The following R3HDM1 variants were observed in gnomAD, a reference collection of about 807,000 sequenced individuals.
R3HDM1 encodes R3H domain-containing protein 1.
In R3HDM1, 46 loss-of-function variants were observed where a neutral mutation model predicts 141.1. The ratio of observed to expected loss-of-function variants is 0.33; its 90% CI spans 0.26 to 0.42. The LOEUF (loss-of-function observed/expected upper bound fraction) is 0.42. R3HDM1 is among the 10% of genes least tolerant of loss of function. The probability of loss-of-function intolerance (pLI) is 1.00; values close to 1 mark genes in which losing one functional copy is unlikely to be tolerated. For missense variants in R3HDM1, 1,184 were observed against 1,368.3 expected (o/e 0.87, Z 2.12); for synonymous variants, 435 against 472.9 (o/e 0.92, Z 1.04).
chr2:135,722,261 C>G (rs975374595), intron 25 of R3HDM1, among the ~76,000 whole-genome samples: 3 of 152,154 alleles, frequency 2.0e-5, no homozygotes, highest in African/African-American at 7.2e-5. Context: ...GGCACTCTTG[C>G]TAATGAAGGA....
At chr2:135,609,656 T>G (rs2060359251) in intron 3 of R3HDM1, among the ~76,000 whole-genome samples, 2 of 152,318 alleles carry the variant, frequency 1.3e-5, no homozygotes, top group South Asian at 4.1e-4. Context: ...AATTGGATGG[T>G]GGGGAGTATT....
intron 23 of R3HDM1, 36 bp downstream of exon 23, chr2:135,710,267 T>C: frequency 6.4e-7 from 1 of 1,572,240 alleles, no homozygotes; most frequent in South Asian, 1.1e-5. Flanking sequence ...TTTGAAACGT[T>C]ACATTTTTGT....
chr2:135,638,586 G>C, intron 11 of R3HDM1, 32 bp from the exon 12 acceptor site: 1 of 1,577,330 alleles, frequency 6.3e-7, no homozygotes, highest in Non-Finnish European at 8.7e-7. Flanking sequence ...TTTGACAAAA[G>C]CTCAACTTTT....
chr2:135,643,489 TC>T, intron 15 of R3HDM1, among the ~76,000 whole-genome samples: 1 of 152,200 alleles, frequency 6.6e-6, no homozygotes, highest in East Asian at 1.9e-4. Flanking sequence ...AAACTGTTTT[TC>T]AGTCAAATTT....
rs199508167 is a variant in R3HDM1, at chr2:135,563,964, G to A, written c.-250+32331G>A. ...GGAAAGCAGGCACATCACATGGTGA[G>A]AGCAGGAGCAAGAGAGAGTGGGGAG... On this transcript the variant is annotated intron_variant, in intron 1 of 26. Coordinates refer to ENST00000683871, the MANE Select transcript of R3HDM1 (RefSeq NM_001378107.1). 1.0e-3 allele frequency among the ~76,000 whole-genome samples: 153 copies of A among 152,266 alleles called. 1 individual carries two copies. Among genetic ancestry groups the A allele is most frequent in the Admixed American group, 5.5e-3 (84 of 15,288 alleles).
intron 24 of R3HDM1, among the ~76,000 whole-genome samples, chr2:135,718,506 A>G (rs986708034): frequency 9.3e-5 from 14 of 150,752 alleles, no homozygotes; most frequent in African/African-American, 3.2e-4. Flanking sequence ...GTTTTGAGAC[A>G]CTGTCTTATT....
At chr2:135,645,779 C>T (rs2064332835) in intron 16 of R3HDM1, among the ~76,000 whole-genome samples, 2 of 152,034 alleles carry the variant, frequency 1.3e-5, no homozygotes, top group Admixed American at 6.6e-5. Flanking sequence ...GTATTTTATC[C>T]CTATTTCACA....
At chr2:135,562,467 C>G (rs1158531044) in intron 1 of R3HDM1, among the ~76,000 whole-genome samples, 1 of 152,048 alleles carries the variant, frequency 6.6e-6, no homozygotes, top group African/African-American at 2.4e-5. Context: ...TTATTTTTTT[C>G]TAGTTGCATT....
At chr2:135,682,504 A>C (rs2070499675) in intron 21 of R3HDM1, among the ~76,000 whole-genome samples, 1 of 152,224 alleles carries the variant, frequency 6.6e-6, no homozygotes, top group Admixed American at 6.5e-5. Flanking sequence ...TATTTTAAGC[A>C]TAAGAGCAGA....
intron 24 of R3HDM1, among the ~76,000 whole-genome samples, chr2:135,720,883 C>T (rs573841717): frequency 1.2e-4 from 19 of 152,250 alleles, no homozygotes; most frequent in African/African-American, 4.6e-4. Context: ...TTTCTTCCTT[C>T]CTCTGAAAGG....
chr2:135,659,600 GC>G (rs1300611063), intron 18 of R3HDM1, among the ~76,000 whole-genome samples: 1 of 151,938 alleles, frequency 6.6e-6, no homozygotes, highest in East Asian at 1.9e-4. Context: ...TCCACACCTA[GC>G]TAATTTTTTA....
intron 20 of R3HDM1, among the ~76,000 whole-genome samples, chr2:135,677,109 A>G (rs535965868): frequency 6.6e-6 from 1 of 152,336 alleles, no homozygotes; most frequent in Admixed American, 6.5e-5. Flanking sequence ...CTGAGAATGA[A>G]GAAGGATATA....
intron 19 of R3HDM1, among the ~76,000 whole-genome samples, chr2:135,672,323 G>A (rs1197947590): frequency 6.6e-6 from 1 of 152,086 alleles, no homozygotes; most frequent in Non-Finnish European, 1.5e-5. Flanking sequence ...CCAGTATTCT[G>A]TTGTACCTTC....
intron 15 of R3HDM1, among the ~76,000 whole-genome samples, chr2:135,642,290 G>GT (rs1012494555): frequency 7.3e-5 from 11 of 151,386 alleles, no homozygotes; most frequent in Admixed American, 5.9e-4. Context: ...CTTATTGGTA[G>GT]TAAAAAAAAA....
Position 135,576,307 on chromosome 2 carries a change from A to G in R3HDM1, c.-249-26193A>G, listed in dbSNP as rs181743505. Among the ~76,000 whole-genome samples, 152 of 152,116 alleles carry G rather than the reference A, an allele frequency of 1.0e-3. 3 individuals are homozygous for G. In the East Asian group the frequency reaches 0.025, roughly 25 times the overall value. Reference sequence around the variant, plus strand: ...TGCTTGAACCCGGGACATCCAAGACAGCAGTGTGCCATGATAGTGCCACTG... The same window carrying G: ...TGCTTGAACCCGGGACATCCAAGACGGCAGTGTGCCATGATAGTGCCACTG... On this transcript the variant is annotated intron_variant, in intron 1 of 26. Coordinates refer to ENST00000683871, the MANE Select transcript of R3HDM1 (RefSeq NM_001378107.1).
intron 1 of R3HDM1, chr2:135,590,585 C>T (rs1323270230): frequency 4.1e-6 from 4 of 985,256 alleles, no homozygotes; most frequent in Non-Finnish European, 4.8e-6. Context: ...GTGTTTTGTG[C>T]AAAGCCATAG....
chr2:135,673,093 A>G (rs2068644512), intron 19 of R3HDM1, among the ~76,000 whole-genome samples: 1 of 151,916 alleles, frequency 6.6e-6, no homozygotes, highest in Non-Finnish European at 1.5e-5. Flanking sequence ...AGCGATAGAG[A>G]CTGCATCTGA....
At position 135,542,867 on chromosome 2, in the gene R3HDM1, T is replaced by TA. The variant is rs572839983; in HGVS notation, c.-250+11235dup. 1.9e-3 allele frequency among the ~76,000 whole-genome samples: 296 copies of TA among 152,208 alleles called. 1 individual carries two copies. The highest frequency in any genetic ancestry group is 7.0e-3 in the African/African-American group (289 of 41,542). ...AATTCTTTTGCCTCAGCCTCCCGAG[T>TA]AGCTGGGATTACAAGTGTGTGCCAC... On this transcript the variant is annotated intron_variant, in intron 1 of 26. Coordinates refer to ENST00000683871, the MANE Select transcript of R3HDM1 (RefSeq NM_001378107.1).
intron 5 of R3HDM1, chr2:135,620,587 A>G (rs2105174255): frequency 1.0e-5 from 10 of 982,178 alleles, no homozygotes; most frequent in Non-Finnish European, 1.2e-5. Context: ...CTATTGGGGT[A>G]AAAAGTCTAC....
Sources: allele counts gnomAD v4.1 joint callset (sites outside exome capture counted in the v4.1 genomes callset), GRCh38; gene constraint gnomAD v4.1.1; transcripts MANE v1.5; gene names NCBI Gene and HGNC (gene_info 2026-07-23, HGNC 2026-07-21).